Variants in ACADM observed in about 807,000 individuals in gnomAD.
ACADM encodes the protein medium-chain specific acyl-CoA dehydrogenase, mitochondrial.
ACADM carries 49 observed loss-of-function variants against 58.9 expected under a neutral mutation model. The observed-to-expected ratio is 0.83, with a 90% CI of 0.66 to 1.06. The LOEUF (loss-of-function observed/expected upper bound fraction) is 1.06. ACADM is among the 50% of genes least tolerant of loss of function. ACADM has a pLI of 0.00. For missense variants in ACADM, 496 were observed against 507.0 expected (o/e 0.98, Z 0.21); for synonymous variants, 160 against 157.7 (o/e 1.01, Z -0.11).
rs539973331 is a variant in ACADM, at chr1:75,751,079, C to T, written c.945+533C>T. Among the ~76,000 whole-genome samples the T allele has an allele frequency of 2.7e-5, 4 of 150,266 alleles. No homozygotes were observed. In the South Asian group the frequency reaches 8.5e-4, roughly 32 times the overall value. ...TTTTCTAGCCGGGCGCGGTGGATCACGCCTGTAATCCCAGCACTTTGGGAG... is the reference window on the plus strand; with the variant it reads ...TTTTCTAGCCGGGCGCGGTGGATCATGCCTGTAATCCCAGCACTTTGGGAG... On this transcript the variant is annotated intron_variant, in intron 10 of 11. Coordinates refer to ENST00000370841, the MANE Select transcript of ACADM (RefSeq NM_000016.6).
chr1:75,729,685 G>A (rs560343546), intron 2 of ACADM, among the ~76,000 whole-genome samples: 11 of 149,114 alleles, frequency 7.4e-5, no homozygotes, highest in African/African-American at 2.7e-4. Flanking sequence ...GTAGGGATGG[G>A]GTTTTGCCAC....
At chr1:75,743,550 T>A in intron 7 of ACADM, 1 of 1,602,316 alleles carries the variant, frequency 6.2e-7, no homozygotes, top group Non-Finnish European at 8.6e-7. Flanking sequence ...GCTGCACCTC[T>A]ACCTTGCCTC....
chr1:75,724,968 C>T (rs1300283735), intron 1 of ACADM, 151 bp downstream of exon 1: 9 of 604,962 alleles, frequency 1.5e-5, no homozygotes, highest in East Asian at 3.4e-5. Context: ...CCTGCTTTCA[C>T]GCCTCCTACC....
intron 2 of ACADM, among the ~76,000 whole-genome samples, chr1:75,730,980 A>G (rs893820993): frequency 2.0e-5 from 3 of 152,074 alleles, no homozygotes; most frequent in Non-Finnish European, 4.4e-5. Context: ...ACTCTGCATT[A>G]GTTTATCAAT....
At chr1:75,733,270 A>C in intron 4 of ACADM, 1 of 1,401,210 alleles carries the variant, frequency 7.1e-7, no homozygotes, top group Non-Finnish European at 9.6e-7. Flanking sequence ...TTTAGAGTTG[A>C]ATTGAGTTTT....
chr1:75,751,997 T>C (rs895352515), intron 10 of ACADM, among the ~76,000 whole-genome samples: 1 of 148,012 alleles, frequency 6.8e-6, no homozygotes, highest in African/African-American at 2.5e-5. Flanking sequence ...CTATTTCTCT[T>C]TTTTTTTTTT....
At chr1:75,743,717 C>A (rs184614488) in intron 7 of ACADM, 43 of 1,502,914 alleles carry the variant, frequency 2.9e-5, no homozygotes, top group African/African-American at 6.9e-5. Flanking sequence ...TTCTTTCGGG[C>A]CTTCTCTCCC....
chr1:75,744,717 C>T, intron 7 of ACADM: 1 of 765,138 alleles, frequency 1.3e-6, no homozygotes. Context: ...AGTTCCCCTT[C>T]TGGAAGGCAG....
intron 7 of ACADM, chr1:75,744,195 A>G (rs1037825665): frequency 1.3e-6 from 2 of 1,573,840 alleles, no homozygotes; most frequent in Non-Finnish European, 1.8e-6. Context: ...GGTTTGCTAG[A>G]AGGAGGTTGT....
chr1:75,750,637 A>G (rs918437791), intron 10 of ACADM, 91 bp downstream of exon 10: 9 of 879,462 alleles, frequency 1.0e-5, no homozygotes, highest in Non-Finnish European at 1.7e-5. Flanking sequence ...AAACTAATCA[A>G]TTTCTACTTT....
At chr1:75,728,930 A>T (rs1271744982) in intron 2 of ACADM, among the ~76,000 whole-genome samples, 1 of 152,034 alleles carries the variant, frequency 6.6e-6, no homozygotes, top group Non-Finnish European at 1.5e-5. Flanking sequence ...TGAAGTTCTC[A>T]CTCCTGGGAC....
At chr1:75,744,599 A>G (rs1277551415) in intron 7 of ACADM, 25 of 1,238,420 alleles carry the variant, frequency 2.0e-5, no homozygotes, top group Non-Finnish European at 2.9e-5. Context: ...GTAGTTCTGA[A>G]GAAGCGAACA....
At chr1:75,732,130 T>A (rs1040569792) in intron 2 of ACADM, among the ~76,000 whole-genome samples, 11 of 150,220 alleles carry the variant, frequency 7.3e-5, no homozygotes, top group African/African-American at 2.7e-4. Flanking sequence ...CCAGCCTGAG[T>A]GACAAAATGA....
intron 10 of ACADM, among the ~76,000 whole-genome samples, chr1:75,757,975 C>T (rs529099275): frequency 6.6e-6 from 1 of 152,312 alleles, no homozygotes; most frequent in African/African-American, 2.4e-5. Flanking sequence ...TCTGTGAATT[C>T]CAGTAATTTG....
chr1:75,736,159 T>TACACAGACATACAC (rs1557447484), intron 6 of ACADM, among the ~76,000 whole-genome samples: 1 of 107,016 alleles, frequency 9.3e-6, no homozygotes, highest in African/African-American at 4.4e-5. Flanking sequence ...ACAAGATAAA[T>TACACAGACATACAC]ACACACACAG....
chr1:75,761,549 G>T, intron 11 of ACADM, 179 bp downstream of exon 11: 1 of 690,496 alleles, frequency 1.4e-6, no homozygotes, highest in Non-Finnish European at 2.5e-6. Flanking sequence ...TTGTGATTAA[G>T]TATAAGTCTG....
At chr1:75,725,808 G>A (rs899881675) in intron 1 of ACADM, among the ~76,000 whole-genome samples, 2 of 152,136 alleles carry the variant, frequency 1.3e-5, no homozygotes, top group African/African-American at 4.8e-5. Flanking sequence ...TTAATCGTCC[G>A]AAAATACGCA....
At position 75,732,869 on chromosome 1, in the gene ACADM, T is replaced by C. The variant is rs398123074; in HGVS notation, c.233T>C (p.Ile78Thr). 92 of 1,613,622 alleles carry C rather than the reference T, an allele frequency of 5.7e-5. No individual in the cohort carries two copies. Among genetic ancestry groups the C allele is most frequent in the Non-Finnish European group, 7.8e-5 (92 of 1,179,674 alleles). Reference protein sequence around the residue: ...DKTGEYPVPLIRRAWELGLMN... With the variant: ...DKTGEYPVPLTRRAWELGLMN... ...TTCTTCTAGTATCCAGTCCCCCTAA[T>C]TAGAAGAGCCTGGGAACTTGGTTTA... is the stretch of plus-strand genomic sequence containing the variant. The change falls in exon 4 of 12, where the codon ATT (isoleucine) becomes ACT (threonine). Residue 78 changes from isoleucine (I) to threonine (T), a missense_variant. Physicochemically the swap from Ile to Thr is moderately conservative, Grantham distance 89. Coordinates refer to ENST00000370841, the MANE Select transcript of ACADM (RefSeq NM_000016.6).
intron 10 of ACADM, among the ~76,000 whole-genome samples, chr1:75,758,151 C>T (rs753837470): frequency 1.3e-5 from 2 of 152,078 alleles, no homozygotes; most frequent in East Asian, 1.9e-4. Context: ...CAACCTCTGC[C>T]TCCTGGGTTC....
Sources: gnomAD v4.1 joint callset for allele counts (sites outside exome capture counted in the v4.1 genomes callset) on GRCh38, gnomAD v4.1.1 for gene constraint, MANE v1.5 for transcripts, NCBI Gene and HGNC (gene_info 2026-07-23, HGNC 2026-07-21) for gene names.